The following WDR82 variants were observed in gnomAD, a reference collection of about 807,000 sequenced individuals.
The protein encoded by WDR82 is WD repeat-containing protein 82.
Under a neutral mutation model 36.1 loss-of-function variants are expected in WDR82, and 8 were observed. The observed-to-expected ratio is 0.22, with a 90% confidence interval of 0.13 to 0.40. WDR82 has a LOEUF of 0.40. Ranked by LOEUF, WDR82 falls within the 10% of genes least tolerant of loss-of-function variation. The probability of loss-of-function intolerance (pLI) is 1.00; values close to 1 mark genes in which losing one functional copy is unlikely to be tolerated. For missense variants in WDR82, 185 were observed against 400.5 expected, an observed-to-expected ratio of 0.46 and a Z score of 4.59; for synonymous variants, 129 against 137.8, an observed-to-expected ratio of 0.94 and a Z score of 0.45.
chr3:52,258,909 A>C (rs939463742), intron 7 of WDR82, among the ~76,000 whole-genome samples: 10 of 152,156 alleles, frequency 6.6e-5, no homozygotes, highest in Non-Finnish European at 1.3e-4. Flanking sequence ...TTTCTCATCT[A>C]AAAAAGGGGC....
At chr3:52,262,698 A>G (rs1021251205) in intron 3 of WDR82, among the ~76,000 whole-genome samples, 1 of 152,246 alleles carries the variant, frequency 6.6e-6, no homozygotes, top group Non-Finnish European at 1.5e-5. Flanking sequence ...TTGTGGTTAT[A>G]CCATCAAGAG....
intron 6 of WDR82, 75 bp from the exon 7 acceptor site, chr3:52,259,341 AG>A: frequency 7.3e-7 from 1 of 1,371,896 alleles, no homozygotes; most frequent in Non-Finnish European, 1.0e-6. Flanking sequence ...ACACTGACTC[AG>A]CACATGCATC....
intron 4 of WDR82, among the ~76,000 whole-genome samples, chr3:52,261,038 T>C (rs758384325): frequency 7.9e-5 from 12 of 152,166 alleles, no homozygotes; most frequent in Non-Finnish European, 1.5e-4. Flanking sequence ...GGCAGAAGAA[T>C]CGCTTGAACC....
At position 52,259,719 on chromosome 3, in the gene WDR82, C is replaced by T. The variant is rs1264033989; in HGVS notation, c.697G>A (p.Gly233Arg). ...AFKGVVMHTF[G>R]GYANSKAVTL... ...ATGCTTGAAGGCTGTCAGCTCACCCCAAATGTGTGCATCACCACTCCTTTG... is the reference window on the plus strand; with the variant it reads ...ATGCTTGAAGGCTGTCAGCTCACCCTAAATGTGTGCATCACCACTCCTTTG... Residue 233 changes from glycine (G) to arginine (R), a missense_variant and splice_region_variant, in exon 6 of 9, where the codon GGG (glycine) becomes AGG (arginine). By Grantham distance (125) the Gly-to-Arg change is moderately radical. Coordinates refer to ENST00000296490, the MANE Select transcript of WDR82 (RefSeq NM_025222.4). 1.9e-6 allele frequency: 3 copies of T among 1,612,848 alleles called. No individual in the cohort carries two copies. Among genetic ancestry groups the T allele is most frequent in the African/African-American group, 1.3e-5 (1 of 75,004 alleles).
intron 3 of WDR82, 77 bp downstream of exon 3, chr3:52,266,875 G>A: frequency 1.6e-6 from 2 of 1,262,680 alleles, no homozygotes; most frequent in Non-Finnish European, 2.3e-6. Flanking sequence ...TCACTAATAA[G>A]CTCTCTCTAG....
At chr3:52,266,728 G>C (rs1453861693) in intron 3 of WDR82, among the ~76,000 whole-genome samples, 1 of 152,166 alleles carries the variant, frequency 6.6e-6, no homozygotes, top group Non-Finnish European at 1.5e-5. Context: ...GTGAGCCACT[G>C]CACTGGGCCT....
chr3:52,259,248 C>T lies in WDR82; in HGVS notation c.718G>A (p.Ala240Thr), dbSNP rs746734261. The part of the protein sequence containing the change: ...HTFGGYANSK[A>T]VTLEASFTPD... The stretch of plus-strand genomic sequence containing the variant: ...GTAAATGAAGCCTCCAGTGTGACAG[C>T]TTTGCTGTTGGCATAACCCTAAAAC... Residue 240 changes from alanine (A) to threonine (T), a missense_variant, in exon 7 of 9, where the codon GCT becomes ACT. Physicochemically the swap from Ala to Thr is moderately conservative, Grantham distance 58. Coordinates refer to ENST00000296490, the MANE Select transcript of WDR82 (RefSeq NM_025222.4). 1 of 1,614,100 alleles carries T rather than the reference C, an allele frequency of 6.2e-7. No homozygotes were observed. The highest frequency in any genetic ancestry group is 8.5e-7 in the Non-Finnish European group (1 of 1,180,044).
At position 52,278,637 on chromosome 3, in the gene WDR82, G is replaced by A. The variant is rs879089529; in HGVS notation, c.-276C>T. 15 of 397,758 alleles carry A rather than the reference G, an allele frequency of 3.8e-5. No homozygotes were observed. The highest frequency in any genetic ancestry group is 2.7e-4 in the African/African-American group (13 of 48,532). The allele number at this position is 397,758 out of a possible 1,614,324, so 24.6% of individuals were successfully genotyped here. The stretch of plus-strand genomic sequence containing the variant: ...TTGTGTCCGCCATTTTGGGGCGACA[G>A]GCAGAAGCTGAGGGCGAGGAGCCTC... On this transcript the variant is annotated 5_prime_UTR_variant, in exon 1 of 9. Transcript: ENST00000296490.
chr3:52,273,873 C>T (rs1279347827), intron 1 of WDR82, among the ~76,000 whole-genome samples: 3 of 152,174 alleles, frequency 2.0e-5, no homozygotes, highest in African/African-American at 7.2e-5. Context: ...CCACCCGCCT[C>T]GGCCTCCCAA....
At position 52,275,643 on chromosome 3, in the gene WDR82, T is replaced by G. The variant is rs531603681; in HGVS notation, c.161+2558A>C. ...GCTCATGCCTGGAATCCCAGCACTT[T>G]GGGAGGCTGAGGCGGGTAGATCACG... On this transcript the variant is annotated intron_variant, in intron 1 of 8. Transcript: ENST00000296490. Among the ~76,000 whole-genome samples the G allele has an allele frequency of 5.9e-5, 9 of 152,270 alleles. No individual in the cohort carries two copies. In the East Asian group the frequency reaches 1.7e-3, roughly 29 times the overall value.
chr3:52,260,104 G>A (rs1395600019), intron 5 of WDR82, among the ~76,000 whole-genome samples: 1 of 152,210 alleles, frequency 6.6e-6, no homozygotes, highest in Non-Finnish European at 1.5e-5. Context: ...GCCGAGGTGG[G>A]TGGATCACCA....
At position 52,257,460 on chromosome 3, in the gene WDR82, C is replaced by G; in HGVS notation, c.*30G>C. The G allele has an allele frequency of 6.2e-7, 1 of 1,614,162 alleles. No homozygotes were observed. The highest frequency in any genetic ancestry group is 8.5e-7 in the Non-Finnish European group (1 of 1,180,028). ...AGTTTCTTCCTGCTGGCCGCCCTCA[C>G]TATACAGAAATAGCCAAGCAGCAAC... On this transcript the variant is annotated 3_prime_UTR_variant, in exon 9 of 9. Coordinates refer to ENST00000296490, the MANE Select transcript of WDR82 (RefSeq NM_025222.4).
At chr3:52,277,841 C>G (rs1700219721) in intron 1 of WDR82, among the ~76,000 whole-genome samples, 1 of 152,192 alleles carries the variant, frequency 6.6e-6, no homozygotes, top group Non-Finnish European at 1.5e-5. Flanking sequence ...GAGGCCGGAG[C>G]AGACCAGCAC....
chr3:52,266,926 C>T, intron 3 of WDR82, 26 bp downstream of exon 3: 3 of 1,590,498 alleles, frequency 1.9e-6, no homozygotes, highest in Non-Finnish European at 2.6e-6. Context: ...AAAGAACTAT[C>T]TGCTTCTATA....
At chr3:52,276,823 C>G (rs1295937295) in intron 1 of WDR82, among the ~76,000 whole-genome samples, 2 of 152,122 alleles carry the variant, frequency 1.3e-5, no homozygotes, top group Non-Finnish European at 2.9e-5. Context: ...CTTAAGACCA[C>G]CACTGCAGAC....
rs1700229229 is a variant in WDR82 at position 52,278,550 on chromosome 3, G to A, written c.-189C>T. ...TCGAGGGTCTTCTGCCTGGACTGTG[G>A]AGCCTCGCCGACCGTTCGTCCTCAC... On this transcript the variant is annotated 5_prime_UTR_variant, in exon 1 of 9. Transcript: ENST00000296490. 2.2e-6 allele frequency: 1 copy of A among 458,150 alleles called. No individual in the cohort carries two copies. The highest frequency in any genetic ancestry group is 3.5e-5 in the East Asian group (1 of 28,232). 28.4% of individuals were successfully genotyped at this position (458,150 alleles called of 1,614,324 possible). A position where few individuals can be genotyped will look rare whatever the true frequency, so the allele number is the denominator to read the frequency against.
chr3:52,260,096 C>T (rs1215032798), intron 5 of WDR82, among the ~76,000 whole-genome samples: 2 of 152,106 alleles, frequency 1.3e-5, no homozygotes, highest in Non-Finnish European at 2.9e-5. Context: ...TTTGGGAGGC[C>T]GAGGTGGGTG....
At chr3:52,271,340 G>A (rs1242147820) in intron 1 of WDR82, among the ~76,000 whole-genome samples, 1 of 152,140 alleles carries the variant, frequency 6.6e-6, no homozygotes, top group East Asian at 1.9e-4. Flanking sequence ...TAGGAGCAAT[G>A]GGCCATACCA....
At chr3:52,269,891 G>T (rs969402838) in intron 2 of WDR82, among the ~76,000 whole-genome samples, 2 of 152,110 alleles carry the variant, frequency 1.3e-5, no homozygotes, top group Non-Finnish European at 2.9e-5. Context: ...ATTATAGAAA[G>T]AAACTCACAA....
Sources: gnomAD v4.1 joint callset for allele counts (sites outside exome capture counted in the v4.1 genomes callset) on GRCh38, gnomAD v4.1.1 for gene constraint, MANE v1.5 for transcripts, NCBI Gene and HGNC (gene_info 2026-07-23, HGNC 2026-07-21) for gene names.